The following C12orf50 variants were observed in gnomAD, a reference collection of about 807,000 sequenced individuals.
C12orf50 encodes uncharacterized protein C12orf50.
A neutral mutation model predicts 61.6 loss-of-function variants in C12orf50; 35 were observed. The ratio of observed to expected loss-of-function variants is 0.57; its 90% CI spans 0.43 to 0.75. The LOEUF is 0.75. C12orf50 is among the 30% of genes least tolerant of loss of function. The probability of loss-of-function intolerance (pLI) is 0.00; values close to 1 mark genes in which losing one functional copy is unlikely to be tolerated. For synonymous variants in C12orf50, 178 were observed against 161.5 expected (o/e 1.10, Z -0.77); for missense variants, 475 against 488.5 (o/e 0.97, Z 0.26).
intron 3 of C12orf50, among the ~76,000 whole-genome samples, chr12:88,017,252 T>A (rs1243574246): frequency 1.3e-5 from 2 of 152,194 alleles, no homozygotes; most frequent in Non-Finnish European, 2.9e-5. Flanking sequence ...TGTGCCGTTC[T>A]CATGATAGTG....
chr12:87,984,675 A>G (rs2030709933), intron 11 of C12orf50: 1 of 152,186 alleles, frequency 6.6e-6, no homozygotes, highest in African/African-American at 2.4e-5. Context: ...TGTGTTTTCA[A>G]ATATTACTAT....
intron 8 of C12orf50, among the ~76,000 whole-genome samples, 166 bp from the exon 9 acceptor site, chr12:87,988,132 C>T (rs766651430): frequency 5.3e-5 from 8 of 151,934 alleles, no homozygotes; most frequent in Non-Finnish European, 7.4e-5. Flanking sequence ...CTAGTTGCCA[C>T]GTGGATTTCA....
At chr12:88,008,568 T>A (rs114283659) in intron 3 of C12orf50, among the ~76,000 whole-genome samples, 1 of 152,098 alleles carries the variant, frequency 6.6e-6, no homozygotes. Flanking sequence ...TGTTTCTTAA[T>A]ATAAAGAATT....
rs542440631 is a variant in C12orf50, at chr12:88,021,233, C to A, written c.133+5255G>T. 2.6e-5 allele frequency among the ~76,000 whole-genome samples: 4 copies of A among 151,084 alleles called. No individual in the cohort carries two copies. In the South Asian group the frequency reaches 8.3e-4, roughly 32 times the overall value. On this transcript the variant is annotated intron_variant, in intron 3 of 12. Transcript: ENST00000298699. ...CACAAAAAGCCATACAAAAGACCAGCAAACCCAGGAGTTGATTTTTTGAAA... is the reference window on the plus strand; with the variant it reads ...CACAAAAAGCCATACAAAAGACCAGAAAACCCAGGAGTTGATTTTTTGAAA...
At chr12:87,999,838 A>G (rs2136438222) in intron 3 of C12orf50, among the ~76,000 whole-genome samples, 1 of 151,940 alleles carries the variant, frequency 6.6e-6, no homozygotes, top group East Asian at 1.9e-4. Context: ...ATGGAGTGCT[A>G]TCTGGCTATA....
chr12:87,987,928 T>C lies in C12orf50; in HGVS notation c.739A>G (p.Thr247Ala), dbSNP rs1054253226. ...DSPHPKHSLT[T>A]RLVPTTHVLN... ...ACATGCGTTGTAGGTACTAGTCGGG[T>C]AGTTAGGGAATGCTTTGGATGAGGA... The change falls in exon 9 of 13, where the codon ACC becomes GCC. Residue 247 changes from threonine to alanine, a missense_variant. By Grantham distance (58) the Thr-to-Ala change is moderately conservative (BLOSUM62 0). Transcript: ENST00000298699. The C allele has an allele frequency of 7.4e-6, 12 of 1,611,360 alleles. No individual in the cohort carries two copies. Among genetic ancestry groups the C allele is most frequent in the African/African-American group, 1.3e-5 (1 of 74,806 alleles).
chr12:88,005,085 CTCTCATAAGCAT>C (rs1482659746), intron 3 of C12orf50, among the ~76,000 whole-genome samples: 1 of 152,032 alleles, frequency 6.6e-6, no homozygotes, highest in Non-Finnish European at 1.5e-5. Flanking sequence ...CATCACAATC[CTCTCATAAGCAT>C]TCTGTTGCCT....
At chr12:88,020,679 A>T (rs548071366) in intron 3 of C12orf50, among the ~76,000 whole-genome samples, 1 of 152,300 alleles carries the variant, frequency 6.6e-6, no homozygotes, top group Non-Finnish European at 1.5e-5. Context: ...AACTTGACCA[A>T]ATGGATTTAA....
intron 3 of C12orf50, among the ~76,000 whole-genome samples, chr12:88,019,642 C>A (rs1209708048): frequency 8.7e-5 from 13 of 149,326 alleles, no homozygotes; most frequent in East Asian, 7.8e-4. Flanking sequence ...AAAAAAAAAA[C>A]CAAGAACTAA....
chr12:88,029,103 A>G, intron 1 of C12orf50: 2 of 1,286,826 alleles, frequency 1.6e-6, no homozygotes, highest in Non-Finnish European at 2.0e-6. Context: ...AATAGCAGTC[A>G]TTCCCAACTT....
intron 3 of C12orf50, among the ~76,000 whole-genome samples, chr12:88,001,188 G>A (rs1484592669): frequency 6.6e-6 from 1 of 151,542 alleles, no homozygotes; most frequent in Admixed American, 6.6e-5. Context: ...CTAGCTTGTG[G>A]AATATTTTTT....
At chr12:87,993,067 T>C (rs1024913735) in intron 7 of C12orf50, among the ~76,000 whole-genome samples, 2 of 152,096 alleles carry the variant, frequency 1.3e-5, no homozygotes, top group Non-Finnish European at 2.9e-5. Flanking sequence ...ATACCAGAAC[T>C]TAGTATACCA....
chr12:88,008,360 C>A (rs1056637419), intron 3 of C12orf50, among the ~76,000 whole-genome samples: 18 of 152,232 alleles, frequency 1.2e-4, no homozygotes, highest in Middle Eastern at 6.8e-3. Context: ...ATGATGGCCT[C>A]CAACTCCATC....
intron 9 of C12orf50, among the ~76,000 whole-genome samples, chr12:87,987,172 TC>T (rs2136407185): frequency 6.6e-6 from 1 of 152,278 alleles, no homozygotes; most frequent in East Asian, 1.9e-4. Context: ...AACTAATTAA[TC>T]TTTCTGTGCC....
chr12:87,991,612 A>G (rs1332494277), intron 7 of C12orf50, among the ~76,000 whole-genome samples: 1 of 152,162 alleles, frequency 6.6e-6, no homozygotes, highest in Non-Finnish European at 1.5e-5. Flanking sequence ...CAAAAGAGAA[A>G]GTCAAAATGG....
At chr12:87,995,264 A>G (rs973159946) in intron 6 of C12orf50, among the ~76,000 whole-genome samples, 5 of 151,962 alleles carry the variant, frequency 3.3e-5, no homozygotes, top group Admixed American at 6.5e-5. Context: ...TCTGGATTGG[A>G]TCCTAGACTA....
chr12:87,985,814 C>T (rs979652234), intron 11 of C12orf50, 36 bp downstream of exon 11: 1 of 1,603,566 alleles, frequency 6.2e-7, no homozygotes, highest in Non-Finnish European at 8.5e-7. Context: ...ATGCAAACCA[C>T]AGACAAGAGT....
At chr12:87,989,481 C>T in intron 7 of C12orf50, 110 bp from the exon 8 acceptor site, 1 of 685,708 alleles carries the variant, frequency 1.5e-6, no homozygotes, top group Non-Finnish European at 2.5e-6. Flanking sequence ...TTTCTTTGGA[C>T]ACTTCTCAGT....
intron 3 of C12orf50, among the ~76,000 whole-genome samples, chr12:88,018,249 G>T (rs147736598): frequency 6.6e-6 from 1 of 152,208 alleles, no homozygotes; most frequent in African/African-American, 2.4e-5. Context: ...CTCCAATCAC[G>T]GCTGAAAGGG....
Sources: gnomAD v4.1 joint callset for allele counts (sites outside exome capture counted in the v4.1 genomes callset) on GRCh38, gnomAD v4.1.1 for gene constraint, MANE v1.5 for transcripts, NCBI Gene and HGNC (gene_info 2026-07-23, HGNC 2026-07-21) for gene names.